PRKCE: variants seen among roughly 807,000 people sequenced by gnomAD.
PRKCE encodes the protein protein kinase C epsilon, also known as protein kinase C epsilon type.
Under a neutral mutation model 85.4 loss-of-function variants are expected in PRKCE, and 16 were observed. The ratio of observed to expected loss-of-function variants is 0.19; its 90% confidence interval spans 0.13 to 0.28. The LOEUF (loss-of-function observed/expected upper bound fraction) is 0.28, where lower values mean the gene tolerates loss of function less well. PRKCE is among the 10% of genes least tolerant of loss of function. The pLI, the probability that PRKCE is intolerant of heterozygous loss-of-function variation, is 1.00. For synonymous variants in PRKCE, 388 were observed against 371.5 expected, an observed-to-expected ratio of 1.04 and a Z score of -0.51; for missense variants, 573 against 975.2, an observed-to-expected ratio of 0.59 and a Z score of 5.49.
At chr2:46,000,249 A>C (rs1032207251) in intron 6 of PRKCE, among the ~76,000 whole-genome samples, 1 of 151,852 alleles carries the variant, frequency 6.6e-6, no homozygotes, top group Admixed American at 6.6e-5. Context: ...GCTGTTAGTA[A>C]TGTGAGTAAC....
intron 2 of PRKCE, among the ~76,000 whole-genome samples, chr2:45,928,765 A>T (rs1004363673): frequency 1.3e-5 from 2 of 152,046 alleles, no homozygotes; most frequent in African/African-American, 4.8e-5. Context: ...CCCCACTAAT[A>T]GTGTGGATGG....
rs1702315054 is a variant in PRKCE, at chr2:45,974,559, G to A, written c.413-1870G>A. Among the ~76,000 whole-genome samples the A allele has an allele frequency of 7.2e-5, 11 of 152,316 alleles. No individual in the cohort carries two copies. The South Asian group carries it at 2.3e-3, about 32-fold the overall frequency. On this transcript the variant is annotated intron_variant, in intron 2 of 14. Coordinates refer to ENST00000306156, the MANE Select transcript of PRKCE (RefSeq NM_005400.3). Reference sequence around the variant, plus strand: ...TAAACAGCTGCCTGTTTGCTCAGAGGCTGCTGCGTCCTTGGAAGCACACGC... The same window carrying A: ...TAAACAGCTGCCTGTTTGCTCAGAGACTGCTGCGTCCTTGGAAGCACACGC...
intron 11 of PRKCE, among the ~76,000 whole-genome samples, chr2:46,127,106 T>C (rs4952801): frequency 0.3 from 46,023 of 152,044 alleles, 7,333 homozygotes; most frequent in African/African-American, 0.38. Context: ...TGGGCCTTCC[T>C]GGTTAGCTCT....
At chr2:45,807,185 G>C (rs1360241578) in intron 1 of PRKCE, among the ~76,000 whole-genome samples, 1 of 152,196 alleles carries the variant, frequency 6.6e-6, no homozygotes, top group African/African-American at 2.4e-5. Context: ...CTGTAAAATG[G>C]GGATAATAAT....
chr2:46,178,343 T>A (rs1316839701), intron 14 of PRKCE, among the ~76,000 whole-genome samples: 2 of 152,252 alleles, frequency 1.3e-5, no homozygotes, highest in African/African-American at 2.4e-5. Context: ...CTATACATTT[T>A]GACCTGTTTA....
intron 6 of PRKCE, among the ~76,000 whole-genome samples, chr2:45,989,034 G>A (rs1703580487): frequency 6.6e-6 from 1 of 152,142 alleles, no homozygotes; most frequent in Non-Finnish European, 1.5e-5. Context: ...CCACACTCAT[G>A]TCTCAGCACA....
At chr2:45,889,795 T>C (rs1212485277) in intron 2 of PRKCE, among the ~76,000 whole-genome samples, 3 of 152,204 alleles carry the variant, frequency 2.0e-5, no homozygotes, top group Non-Finnish European at 4.4e-5. Context: ...CTGGGACTGA[T>C]ACCAGCTTCA....
Position 45,840,787 on chromosome 2 carries a change from G to C in PRKCE, c.349-2213G>C, listed in dbSNP as rs554114913. Among the ~76,000 whole-genome samples, 6 of 152,346 alleles carry C rather than the reference G, an allele frequency of 3.9e-5. No individual in the cohort carries two copies. The East Asian group carries it at 1.2e-3, about 29-fold the overall frequency. On this transcript the variant is annotated intron_variant, in intron 1 of 14. Coordinates refer to ENST00000306156, the MANE Select transcript of PRKCE (RefSeq NM_005400.3). ...TGACTCTGGGAGCCTCCTGGATTGT[G>C]TGTGGGGTGAGACGTTGGGAGAGTT...
At chr2:45,933,636 G>A (rs2104088804) in intron 2 of PRKCE, among the ~76,000 whole-genome samples, 1 of 152,046 alleles carries the variant, frequency 6.6e-6, no homozygotes, top group Middle Eastern at 3.4e-3. Flanking sequence ...ACCAGGCACA[G>A]TTAATTTTTT....
In PRKCE at chr2:45,923,987, G is replaced by A. The variant is rs941872568; in HGVS notation, c.413-52442G>A. On this transcript the variant is annotated intron_variant, in intron 2 of 14. Coordinates refer to ENST00000306156, the MANE Select transcript of PRKCE (RefSeq NM_005400.3). ...TTGAGGAGAGAGGTGTACATTAATC[G>A]ACATTTAACATGAGTTTGTTGTGTC... 3.3e-5 allele frequency among the ~76,000 whole-genome samples: 5 copies of A among 152,262 alleles called. 1 individual carries two copies. The South Asian group carries it at 6.2e-4, about 19-fold the overall frequency.
intron 14 of PRKCE, among the ~76,000 whole-genome samples, chr2:46,178,147 C>G (rs1679610487): frequency 6.6e-6 from 1 of 152,224 alleles, no homozygotes; most frequent in South Asian, 2.1e-4. Flanking sequence ...GTAATCCCAG[C>G]TACTCAGGAG....
At chr2:45,706,505 G>A (rs1679127382) in intron 1 of PRKCE, among the ~76,000 whole-genome samples, 1 of 152,228 alleles carries the variant, frequency 6.6e-6, no homozygotes, top group East Asian at 1.9e-4. Context: ...TCTTGACTGA[G>A]AGGTGTCTGA....
At chr2:45,952,252 G>A (rs1347626857) in intron 2 of PRKCE, among the ~76,000 whole-genome samples, 1 of 152,182 alleles carries the variant, frequency 6.6e-6, no homozygotes, top group Non-Finnish European at 1.5e-5. Context: ...ACCCAACTAG[G>A]TGGTGGTCGG....
chr2:45,970,439 A>G (rs1702031991), intron 2 of PRKCE, among the ~76,000 whole-genome samples: 1 of 152,146 alleles, frequency 6.6e-6, no homozygotes, highest in Non-Finnish European at 1.5e-5. Context: ...TTTAATCAGA[A>G]ACTAATTGGG....
intron 10 of PRKCE, among the ~76,000 whole-genome samples, chr2:46,085,392 C>G (rs1357322264): frequency 6.6e-6 from 1 of 152,226 alleles, no homozygotes; most frequent in African/African-American, 2.4e-5. Flanking sequence ...CAAATTACTG[C>G]AAACTTGGTG....
chr2:46,032,997 G>GTAT (rs1239151011), intron 10 of PRKCE, among the ~76,000 whole-genome samples: 1 of 152,132 alleles, frequency 6.6e-6, no homozygotes, highest in African/African-American at 2.4e-5. Flanking sequence ...AGGGTTTCAT[G>GTAT]TATAGAACTG....
At chr2:46,106,883 G>A (rs946359313) in intron 11 of PRKCE, among the ~76,000 whole-genome samples, 1 of 152,156 alleles carries the variant, frequency 6.6e-6, no homozygotes, top group African/African-American at 2.4e-5. Flanking sequence ...TTGTGCTTAC[G>A]CTTAGGTCAG....
At chr2:45,728,453 G>A (rs1681271311) in intron 1 of PRKCE, among the ~76,000 whole-genome samples, 1 of 152,166 alleles carries the variant, frequency 6.6e-6, no homozygotes, top group Non-Finnish European at 1.5e-5. Context: ...ATAGTCCCAT[G>A]CCCAAACACA....
Position 46,187,294 on chromosome 2 carries a change from G to T in PRKCE, c.*2413G>T, listed in dbSNP as rs1201471535. 1 of 152,330 alleles carries T rather than the reference G, an allele frequency of 6.6e-6. No individual in the cohort carries two copies. The highest frequency in any genetic ancestry group is 1.5e-5 in the Non-Finnish European group (1 of 68,040). 9.4% of individuals were successfully genotyped at this position (152,330 alleles called of 1,614,324 possible). ...GAAGTCAAATAATACATTCCACCTG[G>T]CAGCTGAAGGCAGCCAGTCAGTCTG... On this transcript the variant is annotated 3_prime_UTR_variant, in exon 15 of 15. Coordinates refer to ENST00000306156, the MANE Select transcript of PRKCE (RefSeq NM_005400.3).
Sources: allele counts gnomAD v4.1 joint callset (sites outside exome capture counted in the v4.1 genomes callset), GRCh38; gene constraint gnomAD v4.1.1; transcripts MANE v1.5; gene names NCBI Gene and HGNC (gene_info 2026-07-23, HGNC 2026-07-21).